The following BICD1 variants were observed in gnomAD, a reference collection of about 807,000 sequenced individuals.
BICD1 encodes protein bicaudal D homolog 1.
A neutral mutation model predicts 92.5 loss-of-function variants in BICD1; 35 were observed. The ratio of observed to expected loss-of-function variants is 0.38; its 90% CI spans 0.29 to 0.50. BICD1 has a LOEUF of 0.50. BICD1 is among the 20% of genes least tolerant of loss of function. BICD1 has a pLI of 0.93. For missense variants in BICD1, 950 were observed against 1,189.8 expected, an observed-to-expected ratio of 0.80 and a Z score of 2.97; for synonymous variants, 429 against 465.1, an observed-to-expected ratio of 0.92 and a Z score of 1.00.
chr12:32,329,541 T>G lies in BICD1; in HGVS notation c.2100+986T>G, dbSNP rs140666189. Among the ~76,000 whole-genome samples, 219 of 152,318 alleles carry G rather than the reference T, an allele frequency of 1.4e-3. 1 individual carries two copies. The highest frequency in any genetic ancestry group is 4.9e-3 in the African/African-American group (203 of 41,564). Reference sequence around the variant, plus strand: ...GTAACAGAAACAAAGCCAGACAGATTGTTACCAACAAATTAAATAGTTTGG... The same window carrying G: ...GTAACAGAAACAAAGCCAGACAGATGGTTACCAACAAATTAAATAGTTTGG... On this transcript the variant is annotated intron_variant, in intron 5 of 9. Coordinates refer to ENST00000652176, the MANE Select transcript of BICD1 (RefSeq NM_001714.4).
chr12:32,180,546 CAA>C (rs1236647745), intron 1 of BICD1, among the ~76,000 whole-genome samples: 4 of 151,896 alleles, frequency 2.6e-5, no homozygotes, highest in Admixed American at 6.6e-5. Context: ...ATTTCCTCGG[CAA>C]AGTTACCCTA....
At chr12:32,275,312 G>A (rs1947245877) in intron 2 of BICD1, among the ~76,000 whole-genome samples, 2 of 152,158 alleles carry the variant, frequency 1.3e-5, no homozygotes, top group African/African-American at 2.4e-5. Flanking sequence ...GAACCCTGGC[G>A]GGATAGATAA....
chr12:32,169,155 C>T (rs1172416297), intron 1 of BICD1, among the ~76,000 whole-genome samples: 1 of 151,836 alleles, frequency 6.6e-6, no homozygotes, highest in Non-Finnish European at 1.5e-5. Context: ...AGCACTCAGG[C>T]TCTGATGGGG....
chr12:32,287,857 G>A (rs764594979), intron 2 of BICD1, among the ~76,000 whole-genome samples: 1 of 152,124 alleles, frequency 6.6e-6, no homozygotes, highest in Non-Finnish European at 1.5e-5. Context: ...GGTTCTTAAG[G>A]ACTTGCCAGG....
chr12:32,223,949 T>A (rs1346860218), intron 2 of BICD1, among the ~76,000 whole-genome samples: 2 of 152,190 alleles, frequency 1.3e-5, no homozygotes, highest in African/African-American at 4.8e-5. Context: ...CTTATATGGA[T>A]GTGGTTCATG....
chr12:32,338,638 TAA>T (rs5797471), intron 7 of BICD1, 146 bp from the exon 8 acceptor site: 4,282 of 563,406 alleles, frequency 7.6e-3, no homozygotes, highest in South Asian at 0.011. Context: ...ATGTGGAAAC[TAA>T]AAAAAAAAAA....
chr12:32,338,708 C>A, intron 7 of BICD1, 78 bp from the exon 8 acceptor site: 1 of 1,159,484 alleles, frequency 8.6e-7, no homozygotes, highest in South Asian at 1.5e-5. Context: ...ATAATGTTGT[C>A]ACTGGTGAGG....
intron 4 of BICD1, among the ~76,000 whole-genome samples, chr12:32,327,003 C>A (rs778767971): frequency 6.6e-6 from 1 of 152,062 alleles, no homozygotes; most frequent in African/African-American, 2.4e-5. Flanking sequence ...AGGTTTTAAA[C>A]CTGATTTGGG....
intron 3 of BICD1, among the ~76,000 whole-genome samples, chr12:32,301,510 C>T (rs965699737): frequency 3.3e-5 from 5 of 151,984 alleles, no homozygotes; most frequent in Non-Finnish European, 7.4e-5. Flanking sequence ...TGCAGTGGCT[C>T]ACGCCTGTAA....
intron 8 of BICD1, among the ~76,000 whole-genome samples, chr12:32,343,372 C>A (rs572152898): frequency 3.9e-5 from 6 of 152,076 alleles, no homozygotes; most frequent in Non-Finnish European, 7.3e-5. Context: ...CCTCCTCCTC[C>A]TCATCATCTT....
At chr12:32,182,886 C>CTTTTTTTTTT (rs1335811260) in intron 1 of BICD1, among the ~76,000 whole-genome samples, 7 of 80,416 alleles carry the variant, frequency 8.7e-5, no homozygotes, top group African/African-American at 2.9e-4. Flanking sequence ...TCTTTTCTTT[C>CTTTTTTTTTT]TTTCTTTTTT....
chr12:32,196,407 T>C (rs558852692), intron 1 of BICD1, among the ~76,000 whole-genome samples: 1 of 152,238 alleles, frequency 6.6e-6, no homozygotes, highest in Non-Finnish European at 1.5e-5. Flanking sequence ...AATGAATGAA[T>C]AAAGAAAATG....
At chr12:32,142,203 C>G (rs1385798032) in intron 1 of BICD1, among the ~76,000 whole-genome samples, 1 of 151,728 alleles carries the variant, frequency 6.6e-6, no homozygotes, top group African/African-American at 2.4e-5. Flanking sequence ...GTCAGGAGTT[C>G]GAGACCAGCC....
chr12:32,208,659 G>A (rs1945129325), intron 1 of BICD1, among the ~76,000 whole-genome samples: 1 of 152,120 alleles, frequency 6.6e-6, no homozygotes, highest in Non-Finnish European at 1.5e-5. Context: ...GGCCTCCTGT[G>A]AGCTCTTCTT....
intron 2 of BICD1, among the ~76,000 whole-genome samples, chr12:32,245,243 G>GTTTT (rs201510925): frequency 2.0e-4 from 24 of 119,956 alleles, no homozygotes; most frequent in East Asian, 1.8e-3. Context: ...GCTTAGTTTT[G>GTTTT]TTTTTTGTTT....
At position 32,220,770 on chromosome 12, in the gene BICD1, T is replaced by G. The variant is rs868741775; in HGVS notation, c.426+4311T>G. Among the ~76,000 whole-genome samples the G allele has an allele frequency of 4.2e-4, 60 of 142,242 alleles. 1 individual carries two copies. The highest frequency in any genetic ancestry group is 2.1e-4 in the East Asian group (1 of 4,824). 93.3% of individuals were successfully genotyped at this position (142,242 alleles called of 152,430 possible). A position where few individuals can be genotyped will look rare whatever the true frequency, so the allele number is the denominator to read the frequency against. ...TATATACCCAAAGGATTATAAATCATGCTGCTATAAAGACACATGCACACG... is the reference window on the plus strand; with the variant it reads ...TATATACCCAAAGGATTATAAATCAGGCTGCTATAAAGACACATGCACACG... On this transcript the variant is annotated intron_variant, in intron 2 of 9. Transcript: ENST00000652176.
chr12:32,363,530 G>A (rs1193934964), intron 8 of BICD1, among the ~76,000 whole-genome samples: 7 of 152,012 alleles, frequency 4.6e-5, no homozygotes, highest in Non-Finnish European at 1.0e-4. Flanking sequence ...TCTTATTACT[G>A]TTACTAAAGA....
At chr12:32,227,886 G>T in intron 2 of BICD1, 1 of 155,456 alleles carries the variant, frequency 6.4e-6, no homozygotes. Flanking sequence ...CTGTTCTTTT[G>T]AAGTAGTTGG....
rs367637446 is a variant in BICD1 at position 32,305,746 on chromosome 12, C to T, written c.629C>T (p.Thr210Met). ...GAGATTAAGCGATTTGAGGAGGAGA[C>T]GGTACTGCTGAACAGCCAGCTGGAA... is the stretch of plus-strand genomic sequence containing the variant. Reference protein sequence around the residue: ...KHEIKRFEEETVLLNSQLEDA... With the variant: ...KHEIKRFEEEMVLLNSQLEDA... The change falls in exon 4 of 10, where the codon ACG (threonine) becomes ATG (methionine). Residue 210 changes from threonine (T) to methionine (M), a missense_variant. Thr to Met is a moderately conservative substitution (Grantham distance 81). Around this residue, in one of 5 missense-constraint regions of BICD1, gnomAD observed 246 missense variants for 258.4 expected, o/e 0.95. Transcript: ENST00000652176. 1.2e-6 allele frequency: 2 copies of T among 1,613,988 alleles called. No homozygotes were observed. The highest frequency in any genetic ancestry group is 1.7e-6 in the Non-Finnish European group (2 of 1,180,008).
Sources: gnomAD v4.1 joint callset for allele counts (sites outside exome capture counted in the v4.1 genomes callset) on GRCh38, gnomAD v4.1.1 for gene constraint, gnomAD v4.1.1 regional missense constraint, MANE v1.5 for transcripts, NCBI Gene and HGNC (gene_info 2026-07-23, HGNC 2026-07-21) for gene names.